The following EFHC2 variants were observed in gnomAD, a reference collection of about 807,000 sequenced individuals.
EFHC2 encodes EF-hand domain containing 2.
Under a neutral mutation model 52.7 loss-of-function variants are expected in EFHC2, and 18 were observed. The observed-to-expected ratio is 0.34, with a 90% confidence interval of 0.24 to 0.51. EFHC2 has a LOEUF of 0.51. EFHC2 is among the 20% of genes least tolerant of loss of function. The probability of loss-of-function intolerance (pLI) is 0.97; values close to 1 mark genes in which losing one functional copy is unlikely to be tolerated. For synonymous variants in EFHC2, 203 were observed against 204.1 expected, an observed-to-expected ratio of 0.99 and a Z score of 0.04; for missense variants, 513 against 562.5, an observed-to-expected ratio of 0.91 and a Z score of 0.89.
intron 1 of EFHC2, 38 bp downstream of exon 1, chrX:44,343,509 A>C: frequency 1.7e-6 from 2 of 1,177,767 alleles, no homozygotes; most frequent in Non-Finnish European, 2.3e-6. Flanking sequence ...CCCAGACTCC[A>C]GCCGGGAGCT....
At chrX:44,290,282 C>T (rs991743423) in intron 2 of EFHC2, among the ~76,000 whole-genome samples, 1 of 111,527 alleles carries the variant, frequency 9.0e-6, no homozygotes, top group African/African-American at 3.3e-5. Context: ...TTTCATCCTT[C>T]TTCAGCAATC....
At chrX:44,205,614 C>T (rs2037042921) in intron 11 of EFHC2, among the ~76,000 whole-genome samples, 1 of 111,050 alleles carries the variant, frequency 9.0e-6, no homozygotes, top group African/African-American at 3.3e-5. Flanking sequence ...AAACCAACGA[C>T]ATTAAAAAAG....
chrX:44,310,330 C>G, intron 2 of EFHC2: 1 of 889,067 alleles, frequency 1.1e-6, no homozygotes. Flanking sequence ...GGAAGATCCT[C>G]CATGCAGTCT....
At chrX:44,288,204 CA>C (rs1320959823) in intron 2 of EFHC2, among the ~76,000 whole-genome samples, 2 of 108,217 alleles carry the variant, frequency 1.8e-5, no homozygotes. Context: ...ATGTGATCAT[CA>C]AAAAAAACTC....
intron 11 of EFHC2, among the ~76,000 whole-genome samples, chrX:44,192,707 A>G (rs2036931273): frequency 9.1e-6 from 1 of 110,389 alleles, no homozygotes; most frequent in Non-Finnish European, 1.9e-5. Flanking sequence ...ATTTCTAAAG[A>G]TAGTTCTCTG....
chrX:44,174,655 G>A (rs748643795), intron 13 of EFHC2, among the ~76,000 whole-genome samples: 49 of 101,435 alleles, frequency 4.8e-4, no homozygotes, highest in Admixed American at 1.4e-3. Flanking sequence ...AAAAAAAGGG[G>A]GGGGGAGGGG....
At chrX:44,162,220 C>T (rs2036660928) in intron 14 of EFHC2, among the ~76,000 whole-genome samples, 2 of 111,383 alleles carry the variant, frequency 1.8e-5, no homozygotes, top group Non-Finnish European at 3.8e-5. Context: ...GCCGGGAGTT[C>T]GAGACCAGCC....
At chrX:44,198,320 GA>G (rs1241979837) in intron 11 of EFHC2, among the ~76,000 whole-genome samples, 1 of 111,589 alleles carries the variant, frequency 9.0e-6, no homozygotes, top group Non-Finnish European at 1.9e-5. Context: ...AAGGTTATAA[GA>G]ATGGATGTGC....
intron 7 of EFHC2, 38 bp downstream of exon 7, chrX:44,248,234 T>A (rs2147334409): frequency 1.9e-6 from 2 of 1,079,014 alleles, no homozygotes; most frequent in Non-Finnish European, 2.5e-6. Flanking sequence ...AACAATTTAA[T>A]TTTAAAAATA....
chrX:44,176,466 AT>A, intron 12 of EFHC2, 82 bp from the exon 13 acceptor site: 1 of 672,048 alleles, frequency 1.5e-6, no homozygotes, highest in South Asian at 3.2e-5. Flanking sequence ...AAGAAAATAC[AT>A]TTGTGATGTT....
chrX:44,296,563 C>T (rs2037827110), intron 2 of EFHC2, among the ~76,000 whole-genome samples: 1 of 111,499 alleles, frequency 9.0e-6, no homozygotes, highest in Admixed American at 9.5e-5. Flanking sequence ...CATGAAATTT[C>T]TAGAACCTAG....
chrX:44,325,717 A>G (rs948931061), intron 1 of EFHC2, among the ~76,000 whole-genome samples: 1 of 105,107 alleles, frequency 9.5e-6, no homozygotes, highest in Non-Finnish European at 1.9e-5. Context: ...TCTAGCCTAC[A>G]CTCAAAAGCC....
intron 11 of EFHC2, among the ~76,000 whole-genome samples, chrX:44,221,674 A>T (rs2037194450): frequency 8.9e-6 from 1 of 111,755 alleles, no homozygotes; most frequent in Admixed American, 9.5e-5. Context: ...CAAATCTAAC[A>T]ACAGCAAGAG....
At chrX:44,213,104 G>GA (rs1332418916) in intron 11 of EFHC2, among the ~76,000 whole-genome samples, 1 of 105,781 alleles carries the variant, frequency 9.5e-6, no homozygotes, top group African/African-American at 3.4e-5. Context: ...AAAAAAGTTT[G>GA]AAAATACAAA....
Position 44,211,192 on chromosome X carries a change from C to A in EFHC2, c.1751+18457G>T, listed in dbSNP as rs1430383072. 3.6e-5 allele frequency among the ~76,000 whole-genome samples: 4 copies of A among 111,943 alleles called. No homozygotes were observed. The East Asian group carries it at 1.1e-3, about 31-fold the overall frequency. On this transcript the variant is annotated intron_variant, in intron 11 of 14. Transcript: ENST00000420999. ...AAGCATGTAAAGGTACTAGAACTCT[C>A]CAAGACTCCTGGTAAAAAAGAAAAA...
intron 3 of EFHC2, among the ~76,000 whole-genome samples, chrX:44,272,179 A>C (rs1332097026): frequency 3.6e-5 from 4 of 112,134 alleles, no homozygotes; most frequent in African/African-American, 1.3e-4. Flanking sequence ...ACTGGCATAC[A>C]CAGGGTGAAG....
rs138493316 is a variant in EFHC2 at position 44,314,175 on chromosome X, G to T, written c.43-1419C>A. Reference sequence around the variant, plus strand: ...TAAATGAACACTCATATGCCCCACAGCCCTGCATAAAAAATAAATACCTCA... The same window carrying T: ...TAAATGAACACTCATATGCCCCACATCCCTGCATAAAAAATAAATACCTCA... On this transcript the variant is annotated intron_variant, in intron 1 of 14. Coordinates refer to ENST00000420999, the MANE Select transcript of EFHC2 (RefSeq NM_025184.4). 2.3e-3 allele frequency among the ~76,000 whole-genome samples: 257 copies of T among 111,699 alleles called. 1 individual carries two copies. Among genetic ancestry groups the T allele is most frequent in the Admixed American group, 3.5e-3 (37 of 10,547 alleles).
intron 2 of EFHC2, among the ~76,000 whole-genome samples, chrX:44,291,283 T>C (rs755894774): frequency 2.7e-5 from 3 of 112,066 alleles, no homozygotes; most frequent in Middle Eastern, 9.2e-3. Context: ...GTATCTTATT[T>C]TAAGAAAACT....
chrX:44,326,833 A>G (rs1187199038), intron 1 of EFHC2, among the ~76,000 whole-genome samples: 7 of 103,070 alleles, frequency 6.8e-5, no homozygotes, highest in Non-Finnish European at 3.9e-5. Flanking sequence ...GGCTCAAGCG[A>G]TCCTCCCACC....
Sources: allele counts gnomAD v4.1 joint callset (sites outside exome capture counted in the v4.1 genomes callset), GRCh38; gene constraint gnomAD v4.1.1; transcripts MANE v1.5; gene names NCBI Gene and HGNC (gene_info 2026-07-23, HGNC 2026-07-21).